MPP7: variants seen among roughly 807,000 people sequenced by gnomAD.
MPP7 encodes the protein MAGUK p55 scaffold protein 7, also known as MAGUK p55 subfamily member 7.
In MPP7, 60 loss-of-function variants were observed where a neutral mutation model predicts 76.5. The ratio of observed to expected loss-of-function variants is 0.78; its 90% CI spans 0.64 to 0.97. The LOEUF (loss-of-function observed/expected upper bound fraction) is 0.97, where lower values mean the gene tolerates loss of function less well. Among genes scored for constraint, MPP7 ranks in the 50% least tolerant of loss-of-function variants. The probability of loss-of-function intolerance (pLI) is 0.00; values close to 1 mark genes in which losing one functional copy is unlikely to be tolerated. For missense variants in MPP7, 641 were observed against 694.0 expected (o/e 0.92, Z 0.86); for synonymous variants, 237 against 244.5 (o/e 0.97, Z 0.29).
chr10:28,225,366 T>C (rs1000422186), intron 2 of MPP7, among the ~76,000 whole-genome samples: 18 of 152,124 alleles, frequency 1.2e-4, no homozygotes, highest in Non-Finnish European at 1.3e-4. Flanking sequence ...AAGGACATTA[T>C]CAAAAAAAGT....
At chr10:28,309,510 G>T (rs1841277285) in intron 2 of MPP7, among the ~76,000 whole-genome samples, 1 of 151,968 alleles carries the variant, frequency 6.6e-6, no homozygotes, top group Non-Finnish European at 1.5e-5. Context: ...CTACAAGAAG[G>T]CTACTTTTTC....
At position 28,262,278 on chromosome 10, in the gene MPP7, T is replaced by TA. The variant is rs1491588248; in HGVS notation, c.-131-23544_-131-23543insT. 2.6e-4 allele frequency among the ~76,000 whole-genome samples: 11 copies of TA among 42,988 alleles called. 1 individual carries two copies. The highest frequency in any genetic ancestry group is 9.5e-4 in the African/African-American group (9 of 9,466). 28.2% of individuals were successfully genotyped at this position (42,988 alleles called of 152,430 possible). On this transcript the variant is annotated intron_variant, in intron 1 of 16. Transcript: ENST00000683449. ...ATATATGTATATATATATATATATATTTTTTTTTTTTTCTTCACCATGTTG... is the reference window on the plus strand; with the variant it reads ...ATATATGTATATATATATATATATATATTTTTTTTTTTTCTTCACCATGTTG...
intron 3 of MPP7, among the ~76,000 whole-genome samples, chr10:28,167,252 AGTGAGCC>A (rs1836506292): frequency 6.6e-6 from 1 of 151,974 alleles, no homozygotes; most frequent in Non-Finnish European, 1.5e-5. Flanking sequence ...TGGAGGTTGC[AGTGAGCC>A]GAGACGGCAC....
intron 1 of MPP7, among the ~76,000 whole-genome samples, chr10:28,247,967 T>C (rs143019143): frequency 5.2e-4 from 79 of 152,328 alleles, no homozygotes; most frequent in Admixed American, 2.0e-3. Flanking sequence ...AATTTGTATG[T>C]CATAGCTCTG....
At chr10:28,174,718 T>G (rs1836800598) in intron 3 of MPP7, among the ~76,000 whole-genome samples, 1 of 152,176 alleles carries the variant, frequency 6.6e-6, no homozygotes, top group African/African-American at 2.4e-5. Flanking sequence ...TCCCAACATT[T>G]CCATTCCTTA....
intron 3 of MPP7, among the ~76,000 whole-genome samples, chr10:28,172,410 G>A (rs1190671254): frequency 6.6e-6 from 1 of 152,130 alleles, no homozygotes; most frequent in South Asian, 2.1e-4. Flanking sequence ...GGCACACGCC[G>A]AAGTCTTATT....
chr10:28,144,014 A>G (rs1175814025), intron 5 of MPP7, among the ~76,000 whole-genome samples: 2 of 152,054 alleles, frequency 1.3e-5, no homozygotes, highest in Non-Finnish European at 2.9e-5. Context: ...CCTCCCAGGT[A>G]GCTGGGATTA....
At chr10:28,072,431 T>C (rs1396332080) in intron 12 of MPP7, among the ~76,000 whole-genome samples, 1 of 152,144 alleles carries the variant, frequency 6.6e-6, no homozygotes, top group Non-Finnish European at 1.5e-5. Flanking sequence ...TGCAGTCAGA[T>C]CTTTGTTCTA....
intron 3 of MPP7, among the ~76,000 whole-genome samples, chr10:28,179,401 G>T (rs1416223923): frequency 1.3e-5 from 2 of 152,154 alleles, no homozygotes; most frequent in Middle Eastern, 3.4e-3. Context: ...AGACCACCGT[G>T]TCTGTTTTTC....
intron 11 of MPP7, among the ~76,000 whole-genome samples, chr10:28,095,809 T>TA (rs1853543014): frequency 1.3e-5 from 2 of 152,200 alleles, no homozygotes; most frequent in African/African-American, 4.8e-5. Flanking sequence ...CAGTTTTACA[T>TA]AAAAAATATT....
At chr10:28,127,541 A>G (rs1339642058) in intron 6 of MPP7, among the ~76,000 whole-genome samples, 2 of 152,188 alleles carry the variant, frequency 1.3e-5, no homozygotes, top group Non-Finnish European at 2.9e-5. Context: ...CACATTTTAC[A>G]TGGATGGCAG....
chr10:28,069,728 A>T, intron 13 of MPP7, 44 bp downstream of exon 13: 1 of 1,417,612 alleles, frequency 7.1e-7, no homozygotes, highest in Non-Finnish European at 9.5e-7. Context: ...ATTTAAAATT[A>T]TCGTAAGTGT....
chr10:28,285,374 G>T (rs1318890035), intron 1 of MPP7, among the ~76,000 whole-genome samples: 1 of 152,072 alleles, frequency 6.6e-6, no homozygotes, highest in Non-Finnish European at 1.5e-5. Context: ...TAGTAGAGAC[G>T]GGGTTTCTCT....
At chr10:28,178,920 T>C (rs1351697797) in intron 3 of MPP7, among the ~76,000 whole-genome samples, 1 of 152,098 alleles carries the variant, frequency 6.6e-6, no homozygotes, top group Non-Finnish European at 1.5e-5. Flanking sequence ...AAGAGAAATG[T>C]AGTAAAAGTT....
chr10:28,193,058 T>C (rs973093035), intron 3 of MPP7, among the ~76,000 whole-genome samples: 4 of 152,206 alleles, frequency 2.6e-5, no homozygotes, highest in Admixed American at 1.3e-4. Flanking sequence ...GATATTCATA[T>C]GCAGACATTT....
intron 1 of MPP7, among the ~76,000 whole-genome samples, chr10:28,283,415 G>A (rs1017140539): frequency 6.6e-6 from 1 of 152,046 alleles, no homozygotes. Context: ...CATCTAGGGA[G>A]GGTTTGCATA....
chr10:28,103,185 GGGGGCCTGTA>G (rs1564631725), intron 11 of MPP7, among the ~76,000 whole-genome samples: 6 of 146,348 alleles, frequency 4.1e-5, no homozygotes, highest in African/African-American at 5.1e-5. Context: ...CACACACTGT[GGGGGCCTGTA>G]CACATGCATC....
intron 2 of MPP7, among the ~76,000 whole-genome samples, chr10:28,233,265 T>C (rs1361881753): frequency 6.6e-6 from 1 of 152,124 alleles, no homozygotes; most frequent in Non-Finnish European, 1.5e-5. Context: ...AGGATTAGAG[T>C]TGAAAACATC....
chr10:28,068,380 C>T (rs1301431363), intron 13 of MPP7, among the ~76,000 whole-genome samples: 4 of 151,832 alleles, frequency 2.6e-5, no homozygotes, highest in African/African-American at 7.2e-5. Context: ...TCTTCCAAAA[C>T]TAGAGAACAT....
Sources: gnomAD v4.1 joint callset for allele counts (sites outside exome capture counted in the v4.1 genomes callset) on GRCh38, gnomAD v4.1.1 for gene constraint, MANE v1.5 for transcripts, NCBI Gene and HGNC (gene_info 2026-07-23, HGNC 2026-07-21) for gene names.